Variants in RAPGEF5 observed in about 807,000 individuals in gnomAD.
The protein encoded by RAPGEF5 is M-Ras-regulated GEF.
RAPGEF5 carries 65 observed loss-of-function variants against 125.2 expected under a neutral mutation model. The ratio of observed to expected loss-of-function variants is 0.52; its 90% CI spans 0.43 to 0.64. The LOEUF (loss-of-function observed/expected upper bound fraction) is 0.64, where lower values mean the gene tolerates loss of function less well. Among genes scored for constraint, RAPGEF5 ranks in the 30% least tolerant of loss-of-function variants. RAPGEF5 has a pLI of 0.00. For missense variants in RAPGEF5, 958 were observed against 1,048.1 expected (o/e 0.91, Z 1.19); for synonymous variants, 391 against 385.9 (o/e 1.01, Z -0.16).
chr7:22,190,036 C>T (rs1784943680), intron 11 of RAPGEF5, among the ~76,000 whole-genome samples: 1 of 152,186 alleles, frequency 6.6e-6, no homozygotes, highest in Non-Finnish European at 1.5e-5. Flanking sequence ...AATCCCAGCA[C>T]TTTAGGAGGC....
In RAPGEF5 at chr7:22,119,799, C is replaced by T. The variant is rs1035619428; in HGVS notation, c.*2607G>A. On this transcript the variant is annotated 3_prime_UTR_variant, in exon 26 of 26. Coordinates refer to ENST00000665637, the MANE Select transcript of RAPGEF5 (RefSeq NM_012294.5). This position sits in a 1 kb window ranked among gnomAD's most constrained non-coding sequence, Gnocchi z 4.1. ...AAGAGCTTAGCCATCTTCTAGACCA[C>T]GCTTCTAGCCAGAACAAACCCTATT... 3.9e-5 allele frequency: 6 copies of T among 152,206 alleles called. No individual in the cohort carries two copies. The highest frequency in any genetic ancestry group is 1.9e-4 in the East Asian group (1 of 5,196). The allele number at this position is 152,206 out of a possible 1,614,324, so 9.4% of individuals were successfully genotyped here.
intron 5 of RAPGEF5, among the ~76,000 whole-genome samples, chr7:22,306,198 C>T (rs1002320685): frequency 6.6e-6 from 1 of 152,190 alleles, no homozygotes; most frequent in African/African-American, 2.4e-5. Context: ...TCTCTGCATC[C>T]TCCTCAGCAT....
At chr7:22,154,891 G>A (rs1433227758) in intron 16 of RAPGEF5, among the ~76,000 whole-genome samples, 1 of 152,184 alleles carries the variant, frequency 6.6e-6, no homozygotes, top group Admixed American at 6.5e-5. Flanking sequence ...CCCGAGTCAC[G>A]CAAGTGTGTA....
At chr7:22,144,104 A>G (rs1583406481) in intron 20 of RAPGEF5, among the ~76,000 whole-genome samples, 2 of 152,238 alleles carry the variant, frequency 1.3e-5, no homozygotes, top group East Asian at 3.9e-4. Flanking sequence ...GGAGCTGTCC[A>G]AAGAACAGAC....
chr7:22,157,617 C>T (rs1275815847), intron 15 of RAPGEF5, among the ~76,000 whole-genome samples: 1 of 152,158 alleles, frequency 6.6e-6, no homozygotes, highest in Non-Finnish European at 1.5e-5. Context: ...CTAAAATGCA[C>T]CACAAAATCA....
chr7:22,152,556 G>GT (rs1296254584), intron 17 of RAPGEF5, among the ~76,000 whole-genome samples: 1 of 152,028 alleles, frequency 6.6e-6, no homozygotes, highest in Non-Finnish European at 1.5e-5. Context: ...TACTACATAC[G>GT]TATAACTACC....
At chr7:22,143,741 G>C (rs778720577) in intron 20 of RAPGEF5, among the ~76,000 whole-genome samples, 1 of 152,140 alleles carries the variant, frequency 6.6e-6, no homozygotes, top group Admixed American at 6.5e-5. Context: ...CACCCTTGGG[G>C]TATGAGCTCT....
chr7:22,260,716 C>T (rs923036676), intron 7 of RAPGEF5, among the ~76,000 whole-genome samples: 1 of 151,852 alleles, frequency 6.6e-6, no homozygotes, highest in Non-Finnish European at 1.5e-5. Context: ...AAGGTAAATA[C>T]ACATTTAAAA....
At position 22,291,218 on chromosome 7, in the gene RAPGEF5, G is replaced by T. The variant is rs747017707; in HGVS notation, c.704C>A (p.Ser235Tyr). 17 of 1,572,840 alleles carry T rather than the reference G, an allele frequency of 1.1e-5. No individual in the cohort carries two copies. The highest frequency in any genetic ancestry group is 1.3e-5 in the Non-Finnish European group (15 of 1,161,196). ...AAGAATTTCATCACTGCTTTCTTCG[G>T]AGTCTTCAATTTTCTGATGAGACCT... The part of the protein sequence containing the change: ...CELSHQKIED[S>Y]EESSDEILVR... Residue 235 changes from serine to tyrosine, a missense_variant, in exon 6 of 26, where the codon TCC (serine) becomes TAC (tyrosine). By Grantham distance (144) the Ser-to-Tyr change is moderately radical. Coordinates refer to ENST00000665637, the MANE Select transcript of RAPGEF5 (RefSeq NM_012294.5).
chr7:22,286,191 T>G (rs1782792735), intron 6 of RAPGEF5, among the ~76,000 whole-genome samples: 1 of 152,230 alleles, frequency 6.6e-6, no homozygotes, highest in African/African-American at 2.4e-5. Flanking sequence ...CGGGTTAATG[T>G]TTTATTCCAG....
chr7:22,122,316 C>A lies in RAPGEF5; in HGVS notation c.*90G>T. On this transcript the variant is annotated 3_prime_UTR_variant, in exon 26 of 26. Transcript: ENST00000665637. Reference sequence around the variant, plus strand: ...GGGTTATACTGATAAAACTCAGCAACTTCTTTTCTCACAGGAAAGCAACGT... The same window carrying A: ...GGGTTATACTGATAAAACTCAGCAAATTCTTTTCTCACAGGAAAGCAACGT... 5 of 1,094,874 alleles carry A rather than the reference C, an allele frequency of 4.6e-6. No individual in the cohort carries two copies. Among genetic ancestry groups the A allele is most frequent in the Non-Finnish European group, 1.3e-6 (1 of 741,110 alleles). The allele number at this position is 1,094,874 out of a possible 1,614,324, so 67.8% of individuals were successfully genotyped here.
chr7:22,270,146 T>A (rs1043404641), intron 6 of RAPGEF5, among the ~76,000 whole-genome samples: 11 of 152,196 alleles, frequency 7.2e-5, no homozygotes, highest in African/African-American at 2.4e-4. Flanking sequence ...AGGCGAACAA[T>A]GAATGTTAAT....
chr7:22,308,294 T>C (rs761899587), intron 5 of RAPGEF5, 45 bp downstream of exon 5: 1 of 1,512,666 alleles, frequency 6.6e-7, no homozygotes, highest in Non-Finnish European at 8.9e-7. Context: ...TGGTAAATGT[T>C]GTCTAAGTGT....
rs1782478117 is a variant in RAPGEF5 at position 22,118,764 on chromosome 7, G to T, written c.*3642C>A. ...GATTTCATCCCAGTATTTAATAACA[G>T]TGTGATACGAATACAATAAATAGAC... is the stretch of plus-strand genomic sequence containing the variant. On this transcript the variant is annotated 3_prime_UTR_variant, in exon 26 of 26. Transcript: ENST00000665637. 1 of 152,536 alleles carries T rather than the reference G, an allele frequency of 6.6e-6. No homozygotes were observed. The highest frequency in any genetic ancestry group is 1.5e-5 in the Non-Finnish European group (1 of 68,024). The allele number at this position is 152,536 out of a possible 1,614,324, so 9.4% of individuals were successfully genotyped here. A position where few individuals can be genotyped will look rare whatever the true frequency, so the allele number is the denominator to read the frequency against.
chr7:22,334,027 C>A (rs1783978865), intron 1 of RAPGEF5, among the ~76,000 whole-genome samples: 1 of 147,480 alleles, frequency 6.8e-6, no homozygotes, highest in Admixed American at 6.8e-5. Flanking sequence ...ACAGAGCGGA[C>A]AGTGTTAAGA....
intron 9 of RAPGEF5, chr7:22,194,675 T>C: frequency 1.0e-6 from 1 of 985,312 alleles, no homozygotes; most frequent in Non-Finnish European, 1.2e-6. Flanking sequence ...AGTTAGAATC[T>C]CATCTAGGCT....
intron 1 of RAPGEF5, chr7:22,356,128 C>A: frequency 2.0e-6 from 2 of 985,386 alleles, no homozygotes; most frequent in Non-Finnish European, 2.4e-6. Flanking sequence ...ACAAAACATG[C>A]CTGACCTGCT....
chr7:22,247,910 G>A (rs1786519856), intron 7 of RAPGEF5, among the ~76,000 whole-genome samples: 1 of 152,134 alleles, frequency 6.6e-6, no homozygotes, highest in African/African-American at 2.4e-5. Flanking sequence ...ACTTATAAGT[G>A]GGAGCTAAAC....
At chr7:22,302,081 T>C (rs796175435) in intron 5 of RAPGEF5, among the ~76,000 whole-genome samples, 16 of 152,256 alleles carry the variant, frequency 1.1e-4, no homozygotes, top group African/African-American at 3.9e-4. Context: ...TGGTGACAAG[T>C]GGTTGTCTTT....
Sources: gnomAD v4.1 joint callset for allele counts (sites outside exome capture counted in the v4.1 genomes callset) on GRCh38, gnomAD v4.1.1 for gene constraint, Gnocchi (gnomAD v3.1) non-coding constraint, MANE v1.5 for transcripts, NCBI Gene and HGNC (gene_info 2026-07-23, HGNC 2026-07-21) for gene names.